Variants in SLC12A2 observed in about 807,000 individuals in gnomAD.
SLC12A2 encodes the protein solute carrier family 12 member 2.
SLC12A2 carries 67 observed loss-of-function variants against 136.3 expected under a neutral mutation model. That is an observed-to-expected ratio of 0.49 (90% CI 0.40 to 0.60). SLC12A2 has a LOEUF of 0.60. Ranked by LOEUF, SLC12A2 falls within the 20% of genes least tolerant of loss-of-function variation. The pLI, the probability that SLC12A2 is intolerant of heterozygous loss-of-function variation, is 0.00. For synonymous variants in SLC12A2, 619 were observed against 562.9 expected, an observed-to-expected ratio of 1.10 and a Z score of -1.41; for missense variants, 1,322 against 1,534.7, an observed-to-expected ratio of 0.86 and a Z score of 2.32.
At chr5:128,124,923 T>G (rs547510965) in intron 4 of SLC12A2, among the ~76,000 whole-genome samples, 34 of 152,302 alleles carry the variant, frequency 2.2e-4, no homozygotes, top group African/African-American at 7.2e-4. Flanking sequence ...CTGAGGTAGA[T>G]TTGAAGGGGC....
At chr5:128,107,367 C>A (rs905247214) in intron 1 of SLC12A2, among the ~76,000 whole-genome samples, 1 of 152,078 alleles carries the variant, frequency 6.6e-6, no homozygotes, top group African/African-American at 2.4e-5. Context: ...TAGGTATACA[C>A]GTAACATGGT....
At chr5:128,131,292 C>A in intron 5 of SLC12A2, 86 bp downstream of exon 5, 2 of 1,341,892 alleles carry the variant, frequency 1.5e-6, no homozygotes, top group Non-Finnish European at 1.1e-6. Context: ...GTTGGGAAAG[C>A]AGTGATATGA....
intron 1 of SLC12A2, among the ~76,000 whole-genome samples, chr5:128,099,918 A>G (rs1233969928): frequency 3.9e-5 from 6 of 152,140 alleles, no homozygotes; most frequent in Non-Finnish European, 8.8e-5. Flanking sequence ...GCTGTTTTAC[A>G]GTTATTATTT....
intron 26 of SLC12A2, among the ~76,000 whole-genome samples, chr5:128,185,159 G>A (rs1022358542): frequency 2.6e-5 from 4 of 152,184 alleles, no homozygotes; most frequent in Admixed American, 1.3e-4. Context: ...CAGCATAGCC[G>A]TTAAGCACGT....
chr5:128,090,388 G>A (rs150067524), intron 1 of SLC12A2, among the ~76,000 whole-genome samples: 2 of 152,166 alleles, frequency 1.3e-5, no homozygotes, highest in African/African-American at 4.8e-5. Context: ...TATGTGTGGA[G>A]TGTGTTTGCT....
At chr5:128,160,417 C>T (rs187846183) in intron 16 of SLC12A2, among the ~76,000 whole-genome samples, 1 of 152,058 alleles carries the variant, frequency 6.6e-6, no homozygotes, top group East Asian at 1.9e-4. Flanking sequence ...GTCCCAAGAA[C>T]ACTTGGGAAC....
intron 1 of SLC12A2, among the ~76,000 whole-genome samples, chr5:128,105,344 G>A (rs561794992): frequency 6.6e-6 from 1 of 152,146 alleles, no homozygotes; most frequent in Non-Finnish European, 1.5e-5. Flanking sequence ...GCAAGGGAGG[G>A]GGGTATAGGA....
chr5:128,110,121 T>G (rs1438808578), intron 1 of SLC12A2: 7 of 925,970 alleles, frequency 7.6e-6, no homozygotes, highest in Non-Finnish European at 1.3e-5. Context: ...TTTTAGAATT[T>G]TCATGGATGT....
rs1762648883 is a variant in SLC12A2, at chr5:128,150,007, T to TTAA, written c.2016_2017insTAA (p.Asn672_Val673insTer). 6.2e-7 allele frequency: 1 copy of TTAA among 1,608,880 alleles called. No homozygotes were observed. Among genetic ancestry groups the TTAA allele is most frequent in the Non-Finnish European group, 8.5e-7 (1 of 1,176,768 alleles). ...GTGTTTGTTCTGCAGCTGAACTGAA[T>TTAA]GTTATTGCACCAATTATCTCAAACT... On this transcript the variant is annotated stop_gained and inframe_insertion, in exon 13 of 27. Coordinates refer to ENST00000262461, the MANE Select transcript of SLC12A2 (RefSeq NM_001046.3). LOFTEE classifies it high-confidence loss of function.
chr5:128,180,973 G>C lies in SLC12A2; in HGVS notation c.3191G>C (p.Arg1064Thr). The C allele has an allele frequency of 6.2e-7, 1 of 1,605,720 alleles. No homozygotes were observed. Among genetic ancestry groups the C allele is most frequent in the Non-Finnish European group, 8.5e-7 (1 of 1,172,760 alleles). Reference protein sequence around the residue: ...IRVFIGGKINRIDHDRRAMAT... With the variant: ...IRVFIGGKINTIDHDRRAMAT... Reference sequence around the variant, plus strand: ...GTATTCATTGGTGGAAAGATAAACAGAATAGACCATGACCGGAGAGCGTAA... The same window carrying C: ...GTATTCATTGGTGGAAAGATAAACACAATAGACCATGACCGGAGAGCGTAA... Residue 1064 changes from arginine (R) to threonine (T), a missense_variant, in exon 23 of 27, where the codon AGA becomes ACA. By Grantham distance (71) the Arg-to-Thr change is moderately conservative. This residue lies in a region of SLC12A2 where 172 missense variants were observed against 227.4 expected (regional missense o/e 0.76). Coordinates refer to ENST00000262461, the MANE Select transcript of SLC12A2 (RefSeq NM_001046.3).
chr5:128,161,364 T>G (rs1241116693), intron 16 of SLC12A2, among the ~76,000 whole-genome samples: 1 of 152,186 alleles, frequency 6.6e-6, no homozygotes, highest in Non-Finnish European at 1.5e-5. Context: ...AATCTCTTCA[T>G]TTTTGATAGC....
At position 128,092,388 on chromosome 5, in the gene SLC12A2, A is replaced by G. The variant is rs17675580; in HGVS notation, c.756+7678A>G. ...AGGGCTGACGGTCTTGGAAAGAGGTAGGAAACTTCACAGAGCATGTCTGGA... is the reference window on the plus strand; with the variant it reads ...AGGGCTGACGGTCTTGGAAAGAGGTGGGAAACTTCACAGAGCATGTCTGGA... On this transcript the variant is annotated intron_variant, in intron 1 of 26. Coordinates refer to ENST00000262461, the MANE Select transcript of SLC12A2 (RefSeq NM_001046.3). Among the ~76,000 whole-genome samples the G allele has an allele frequency of 2.7e-3, 413 of 152,312 alleles. 2 individuals are homozygous for G. The highest frequency in any genetic ancestry group is 4.9e-3 in the Non-Finnish European group (332 of 68,026).
Position 128,184,465 on chromosome 5 carries a change from A to T in SLC12A2, c.3399A>T (p.Arg1133=). 1 of 1,608,244 alleles carries T rather than the reference A, an allele frequency of 6.2e-7. No individual in the cohort carries two copies. Among genetic ancestry groups the T allele is most frequent in the Non-Finnish European group, 8.5e-7 (1 of 1,177,434 alleles). Reference sequence around the variant, plus strand: ...AAATGAAAGAAGATGAACCATGGCGAATAACAGATAATGAGCTTGAACTTT... The same window carrying T: ...AAATGAAAGAAGATGAACCATGGCGTATAACAGATAATGAGCTTGAACTTT... ...ADKMKEDEPW[R]ITDNELELYK... is the part of the protein sequence containing the mutation. The change falls in exon 25 of 27, where the codon CGA becomes CGT. Residue 1133 remains arginine, a synonymous_variant. Transcript: ENST00000262461.
intron 4 of SLC12A2, among the ~76,000 whole-genome samples, chr5:128,117,036 T>C (rs1761376045): frequency 6.6e-6 from 1 of 152,230 alleles, no homozygotes; most frequent in Non-Finnish European, 1.5e-5. Flanking sequence ...AAAGTACATA[T>C]TTTTTAGTTT....
chr5:128,147,939 AG>A (rs1327924165), intron 11 of SLC12A2, among the ~76,000 whole-genome samples: 1 of 151,474 alleles, frequency 6.6e-6, no homozygotes, highest in Non-Finnish European at 1.5e-5. Context: ...TTTGCTGTTA[AG>A]GTATATTCTT....
intron 19 of SLC12A2, 143 bp from the exon 20 acceptor site, chr5:128,174,398 A>G (rs1331149407): frequency 1.7e-6 from 1 of 578,616 alleles, no homozygotes; most frequent in African/African-American, 2.0e-5. Context: ...AGTCATTTCA[A>G]ACAGATTATC....
intron 1 of SLC12A2, among the ~76,000 whole-genome samples, chr5:128,090,151 C>A (rs777942602): frequency 1.3e-5 from 2 of 152,124 alleles, no homozygotes; most frequent in Non-Finnish European, 2.9e-5. Flanking sequence ...TTCTACAATG[C>A]GGCAAACAGG....
At chr5:128,149,580 A>T (rs886782589) in intron 12 of SLC12A2, among the ~76,000 whole-genome samples, 9 of 151,906 alleles carry the variant, frequency 5.9e-5, no homozygotes, top group African/African-American at 2.2e-4. Context: ...TAAAAAAAGG[A>T]ATAAACTTGG....
chr5:128,151,114 T>G, intron 13 of SLC12A2, 127 bp from the exon 14 acceptor site: 2 of 736,380 alleles, frequency 2.7e-6, no homozygotes, highest in East Asian at 5.4e-5. Flanking sequence ...AATATTAGAC[T>G]TATACTTAAT....
Sources: allele counts gnomAD v4.1 joint callset (sites outside exome capture counted in the v4.1 genomes callset), GRCh38; gene constraint gnomAD v4.1.1; regional missense constraint gnomAD v4.1.1; transcripts MANE v1.5; gene names NCBI Gene and HGNC (gene_info 2026-07-23, HGNC 2026-07-21).